Variants in COL12A1 observed in about 807,000 individuals in gnomAD.
COL12A1 encodes the protein collagen alpha-1(XII) chain.
Under a neutral mutation model 349.7 loss-of-function variants are expected in COL12A1, and 114 were observed. The observed-to-expected ratio is 0.33, with a 90% CI of 0.28 to 0.38. The LOEUF (loss-of-function observed/expected upper bound fraction) is 0.38. Among genes scored for constraint, COL12A1 ranks in the 10% least tolerant of loss-of-function variants. The pLI is 1.00. For missense variants in COL12A1, 3,284 were observed against 3,756.9 expected (o/e 0.87, Z 3.29); for synonymous variants, 1,369 against 1,329.0 (o/e 1.03, Z -0.66).
chr6:75,161,513 C>T (rs1383775176), intron 14 of COL12A1, among the ~76,000 whole-genome samples: 1 of 152,030 alleles, frequency 6.6e-6, no homozygotes, highest in Non-Finnish European at 1.5e-5. Context: ...GCCACGTCTG[C>T]TCCTTGTTCA....
chr6:75,087,779 C>G (rs772326311), intron 64 of COL12A1, 32 bp from the exon 65 acceptor site: 1 of 1,597,550 alleles, frequency 6.3e-7, no homozygotes, highest in East Asian at 2.3e-5. Context: ...TATATTTCCC[C>G]TCTTGTCAAA....
intron 14 of COL12A1, among the ~76,000 whole-genome samples, chr6:75,162,227 A>T (rs541002160): frequency 6.6e-6 from 1 of 152,226 alleles, no homozygotes; most frequent in Non-Finnish European, 1.5e-5. Flanking sequence ...AGCTGGAGGC[A>T]TCAAGCTACC....
At chr6:75,173,185 C>T (rs1045575629) in intron 13 of COL12A1, among the ~76,000 whole-genome samples, 1 of 152,164 alleles carries the variant, frequency 6.6e-6, no homozygotes, top group Admixed American at 6.5e-5. Flanking sequence ...GGATAATCAT[C>T]CCTTCTTTAT....
intron 8 of COL12A1, 121 bp from the exon 9 acceptor site, chr6:75,184,265 T>C (rs1769489874): frequency 2.7e-6 from 3 of 1,107,968 alleles, no homozygotes; most frequent in Admixed American, 2.6e-5. Flanking sequence ...TTGAAAAGAG[T>C]TGCCCAATAC....
intron 27 of COL12A1, among the ~76,000 whole-genome samples, chr6:75,141,005 C>A (rs147287897): frequency 1.3e-5 from 2 of 152,054 alleles, no homozygotes. Flanking sequence ...TAAAATGTCT[C>A]GTTAATAATT....
chr6:75,178,554 T>C (rs1769100452), intron 11 of COL12A1, among the ~76,000 whole-genome samples: 1 of 152,242 alleles, frequency 6.6e-6, no homozygotes, highest in South Asian at 2.1e-4. Flanking sequence ...CACAGACTCA[T>C]AATTTTAAAT....
At position 75,202,806 on chromosome 6, in the gene COL12A1, G is replaced by A. The variant is rs1211536980; in HGVS notation, c.-14C>T. 11 of 1,551,456 alleles carry A rather than the reference G, an allele frequency of 7.1e-6. No individual in the cohort carries two copies. Among genetic ancestry groups the A allele is most frequent in the Non-Finnish European group, 9.6e-6 (11 of 1,146,846 alleles). ...CCTACTCCGCATCCTTGGCCTCCGA[G>A]CTTACAGCGGCATGAAGAGATCTGC... On this transcript the variant is annotated 5_prime_UTR_variant, in exon 2 of 66. Coordinates refer to ENST00000322507, the MANE Select transcript of COL12A1 (RefSeq NM_004370.6).
intron 8 of COL12A1, among the ~76,000 whole-genome samples, chr6:75,185,629 A>G (rs1185032038): frequency 1.3e-5 from 2 of 152,216 alleles, no homozygotes; most frequent in Non-Finnish European, 2.9e-5. Context: ...TTTAAATTTC[A>G]TATGGAACAA....
Position 75,152,039 on chromosome 6 carries a change from G to T in COL12A1, c.3836-8C>A. 1 of 1,613,774 alleles carries T rather than the reference G, an allele frequency of 6.2e-7. No homozygotes were observed. The highest frequency in any genetic ancestry group is 8.5e-7 in the Non-Finnish European group (1 of 1,179,752). ...TGAAATTCAAAGCCATGCCTAGTGG[G>T]ATTTTTAAAAGAGAATCAGTCACAT... On this transcript the variant is annotated splice_polypyrimidine_tract_variant and splice_region_variant and intron_variant, in intron 19 of 65. Transcript: ENST00000322507.
At chr6:75,119,314 A>C in intron 45 of COL12A1, 36 bp downstream of exon 45, 1 of 1,605,864 alleles carries the variant, frequency 6.2e-7, no homozygotes, top group Non-Finnish European at 8.5e-7. Context: ...TGCCACTACA[A>C]ATGCTTGAAG....
intron 58 of COL12A1, among the ~76,000 whole-genome samples, chr6:75,098,312 C>T (rs1222936408): frequency 6.6e-6 from 1 of 152,208 alleles, no homozygotes; most frequent in Non-Finnish European, 1.5e-5. Context: ...TAGAGCAGGA[C>T]TATTTATGTC....
chr6:75,186,492 A>G (rs894418455), intron 8 of COL12A1, among the ~76,000 whole-genome samples: 2 of 152,230 alleles, frequency 1.3e-5, no homozygotes, highest in East Asian at 1.9e-4. Context: ...GGTAGTGGAG[A>G]AAAAGGAATG....
chr6:75,152,412 C>G lies in COL12A1; in HGVS notation c.3636G>C (p.Arg1212=). 6.2e-7 allele frequency: 1 copy of G among 1,613,618 alleles called. No individual in the cohort carries two copies. Among genetic ancestry groups the G allele is most frequent in the Non-Finnish European group, 8.5e-7 (1 of 1,179,712 alleles). Residue 1212 remains arginine (R), a synonymous_variant, in exon 18 of 66, where the codon CGG becomes CGC. Coordinates refer to ENST00000322507, the MANE Select transcript of COL12A1 (RefSeq NM_004370.6). ...AACTCCTCACGGTTCTAAAATTTGCCCGGCCGATGCTCCATGATCCATCCA... is the reference window on the plus strand; with the variant it reads ...AACTCCTCACGGTTCTAAAATTTGCGCGGCCGATGCTCCATGATCCATCCA... ...LLVDGSWSIG[R]ANFRTVRSFI...
chr6:75,165,551 C>A lies in COL12A1; in HGVS notation c.2939G>T (p.Ser980Ile). 1 of 1,613,920 alleles carries A rather than the reference C, an allele frequency of 6.2e-7. No individual in the cohort carries two copies. The highest frequency in any genetic ancestry group is 8.5e-7 in the Non-Finnish European group (1 of 1,179,878). The change falls in exon 14 of 66, where the codon AGC becomes ATC. Residue 980 changes from serine to isoleucine, a missense_variant. Transcript: ENST00000322507. ...AGTCAAAGGTTCTCCTTCTCCACTGCTGTAAGTGGCAAATACTGAAATTCT... is the reference window on the plus strand; with the variant it reads ...AGTCAAAGGTTCTCCTTCTCCACTGATGTAAGTGGCAAATACTGAAATTCT... ...KYRISVFATY[S>I]SGEGEPLTGD...
At chr6:75,155,022 T>TATATATTCA in intron 16 of COL12A1, among the ~76,000 whole-genome samples, 2 of 152,328 alleles carry the variant, frequency 1.3e-5, no homozygotes, top group East Asian at 3.9e-4. Context: ...TTTATATAGA[T>TATATATTCA]TTCAATAGTC....
At chr6:75,122,429 A>G (rs2149371167) in intron 43 of COL12A1, among the ~76,000 whole-genome samples, 1 of 152,178 alleles carries the variant, frequency 6.6e-6, no homozygotes, top group South Asian at 2.1e-4. Context: ...TGTGTGGGGA[A>G]GGGCAGTCTG....
chr6:75,113,854 AC>A, intron 49 of COL12A1, 110 bp from the exon 50 acceptor site: 1 of 856,178 alleles, frequency 1.2e-6, no homozygotes, highest in Non-Finnish European at 1.7e-6. Flanking sequence ...AAATCTTTGC[AC>A]CAGAATCTCA....
intron 1 of COL12A1, among the ~76,000 whole-genome samples, chr6:75,204,019 A>G (rs1425289545): frequency 6.6e-6 from 1 of 152,234 alleles, no homozygotes; most frequent in Non-Finnish European, 1.5e-5. Flanking sequence ...GCATGAGGGC[A>G]GCTTTCCTCA....
rs1227109095 is a variant in COL12A1, at chr6:75,142,135, G to A, written c.4854C>T (p.Ser1618=). The A allele has an allele frequency of 6.2e-7, 1 of 1,614,118 alleles. No homozygotes were observed. Reference sequence around the variant, plus strand: ...GTGAGAAGAGGTCTTTGAGGGAAGTGCTGGTCTCTGATCTGTCCACCTCTA... The same window carrying A: ...GTGAGAAGAGGTCTTTGAGGGAAGTACTGGTCTCTGATCTGTCCACCTCTA... ...KEVEVDRSET[S]TSLKDLFSQT... The change falls in exon 27 of 66, where the codon AGC becomes AGT. Residue 1618 remains serine, a synonymous_variant. Transcript: ENST00000322507.
Sources: allele counts gnomAD v4.1 joint callset (sites outside exome capture counted in the v4.1 genomes callset), GRCh38; gene constraint gnomAD v4.1.1; transcripts MANE v1.5; gene names NCBI Gene and HGNC (gene_info 2026-07-23, HGNC 2026-07-21).